MYT1L: variants seen among roughly 807,000 people sequenced by gnomAD.
MYT1L encodes the protein myelin transcription factor 1-like protein.
MYT1L carries 12 observed loss-of-function variants against 126.7 expected under a neutral mutation model. The observed-to-expected ratio is 0.09, with a 90% CI of 0.06 to 0.15. MYT1L has a LOEUF of 0.15. Among genes scored for constraint, MYT1L ranks in the 10% least tolerant of loss-of-function variants. MYT1L has a pLI of 1.00. For synonymous variants in MYT1L, 541 were observed against 604.2 expected (o/e 0.90, Z 1.53); for missense variants, 979 against 1,585.2 (o/e 0.62, Z 6.49).
At chr2:2,264,403 C>CA (rs1379473861) in intron 2 of MYT1L, among the ~76,000 whole-genome samples, 2 of 151,812 alleles carry the variant, frequency 1.3e-5, no homozygotes, top group African/African-American at 2.4e-5. Context: ...ACCCCACCCC[C>CA]AAAAAAAATC....
intron 14 of MYT1L, among the ~76,000 whole-genome samples, chr2:1,893,348 G>A (rs745419366): frequency 1.3e-5 from 2 of 152,206 alleles, no homozygotes; most frequent in Non-Finnish European, 2.9e-5. Context: ...ACTCAGAGGT[G>A]GACCTGGTCT....
At chr2:1,900,334 C>T (rs928108521) in intron 14 of MYT1L, among the ~76,000 whole-genome samples, 1 of 151,566 alleles carries the variant, frequency 6.6e-6, no homozygotes, top group South Asian at 2.1e-4. Flanking sequence ...GAGTCTCGCT[C>T]TGTTGCCCAG....
chr2:1,883,358 A>G (rs1275262652), intron 18 of MYT1L, among the ~76,000 whole-genome samples: 2 of 152,242 alleles, frequency 1.3e-5, no homozygotes, highest in African/African-American at 2.4e-5. Context: ...GCAGAAAAAC[A>G]TAATTCCTGG....
chr2:2,296,680 G>C (rs1338023485), intron 1 of MYT1L, among the ~76,000 whole-genome samples: 1 of 152,162 alleles, frequency 6.6e-6, no homozygotes, highest in Non-Finnish European at 1.5e-5. Flanking sequence ...TGGGGACACA[G>C]AAAGGAGAGA....
intron 14 of MYT1L, among the ~76,000 whole-genome samples, chr2:1,902,144 TAAATAAATAA>T (rs550575320): frequency 1.3e-5 from 2 of 152,224 alleles, no homozygotes; most frequent in African/African-American, 2.4e-5. Context: ...CATGGTTAGA[TAAATAAATAA>T]AATTAAATAA....
chr2:2,319,873 G>A (rs1248716767), intron 1 of MYT1L, among the ~76,000 whole-genome samples: 3 of 151,872 alleles, frequency 2.0e-5, no homozygotes, highest in African/African-American at 2.4e-5. Flanking sequence ...GCACATAGTA[G>A]GTACTCAATA....
intron 2 of MYT1L, among the ~76,000 whole-genome samples, chr2:2,180,849 T>A (rs1043914046): frequency 6.6e-6 from 1 of 151,916 alleles, no homozygotes; most frequent in African/African-American, 2.4e-5. Flanking sequence ...TATCTGTACC[T>A]GTGTATGCCT....
At chr2:2,089,648 CA>C (rs1338257282) in intron 3 of MYT1L, among the ~76,000 whole-genome samples, 1 of 152,180 alleles carries the variant, frequency 6.6e-6, no homozygotes, top group Non-Finnish European at 1.5e-5. Flanking sequence ...TCTCATTATA[CA>C]GATGGACGGA....
chr2:1,861,997 A>ATCTGCCTGCAGCCTGAGTAATCCTAG (rs1558192114), intron 18 of MYT1L, among the ~76,000 whole-genome samples: 25 of 151,442 alleles, frequency 1.7e-4, no homozygotes, highest in Admixed American at 3.3e-4. Flanking sequence ...GTAATCCTGG[A>ATCTGCCTGCAGCCTGAGTAATCCTAG]ATTCGCTGAG....
At chr2:1,842,852 C>T in intron 19 of MYT1L, 1 of 165,734 alleles carries the variant, frequency 6.0e-6, no homozygotes, top group East Asian at 1.9e-4. Flanking sequence ...CCCAAGGCCT[C>T]TCCTCGTCTG....
At chr2:1,973,209 C>G (rs188596769) in intron 8 of MYT1L, among the ~76,000 whole-genome samples, 86 of 152,200 alleles carry the variant, frequency 5.7e-4, no homozygotes, top group South Asian at 1.2e-3. Flanking sequence ...CCAATTCATT[C>G]CAAATGTCTT....
At chr2:2,308,217 C>T (rs2095887488) in intron 1 of MYT1L, among the ~76,000 whole-genome samples, 1 of 151,784 alleles carries the variant, frequency 6.6e-6, no homozygotes, top group African/African-American at 2.4e-5. Context: ...GTACACTCTA[C>T]CTATACTCCA....
intron 4 of MYT1L, among the ~76,000 whole-genome samples, chr2:2,041,164 T>C (rs917044969): frequency 1.3e-5 from 2 of 152,232 alleles, no homozygotes; most frequent in African/African-American, 4.8e-5. Flanking sequence ...TTGAGGTAAC[T>C]TGAACTTTTG....
At chr2:2,135,712 C>G (rs903260222) in intron 3 of MYT1L, among the ~76,000 whole-genome samples, 2 of 152,154 alleles carry the variant, frequency 1.3e-5, no homozygotes, top group Non-Finnish European at 2.9e-5. Context: ...TGGAAAAAGC[C>G]ATAATCATGC....
In MYT1L at chr2:1,926,626, G is replaced by A. The variant is rs369362077; in HGVS notation, c.506-3363C>T. On this transcript the variant is annotated intron_variant, in intron 9 of 24. Transcript: ENST00000647738. ...CATGCAGGCTAGAGTGCAGTGGTGC[G>A]ATCTGAGCTCACTGCAACCTTTGCT... Among the ~76,000 whole-genome samples the A allele has an allele frequency of 1.1e-4, 16 of 152,246 alleles. No individual in the cohort carries two copies. In the East Asian group the frequency reaches 2.7e-3, roughly 26 times the overall value.
chr2:1,892,910 T>C (rs1266876093), intron 14 of MYT1L, among the ~76,000 whole-genome samples: 2 of 152,180 alleles, frequency 1.3e-5, no homozygotes, highest in Admixed American at 1.3e-4. Context: ...CAACATCCTT[T>C]TTTTTCTAGA....
intron 4 of MYT1L, among the ~76,000 whole-genome samples, chr2:2,043,633 C>T (rs1385666999): frequency 6.6e-6 from 1 of 152,122 alleles, no homozygotes; most frequent in South Asian, 2.1e-4. Flanking sequence ...CCAATGGGTC[C>T]ATGTCTTACT....
At chr2:1,869,566 GA>G (rs1476431758) in intron 18 of MYT1L, among the ~76,000 whole-genome samples, 1 of 152,242 alleles carries the variant, frequency 6.6e-6, no homozygotes, top group Non-Finnish European at 1.5e-5. Flanking sequence ...GTTTCGGGGA[GA>G]AGCATTTAGT....
chr2:1,941,103 G>A (rs921975925), intron 9 of MYT1L, among the ~76,000 whole-genome samples: 4 of 152,116 alleles, frequency 2.6e-5, no homozygotes, highest in African/African-American at 7.2e-5. Context: ...TTTCAATAAG[G>A]CTTCTGACTA....
Sources: gnomAD v4.1 joint callset for allele counts (sites outside exome capture counted in the v4.1 genomes callset) on GRCh38, gnomAD v4.1.1 for gene constraint, MANE v1.5 for transcripts, NCBI Gene and HGNC (gene_info 2026-07-23, HGNC 2026-07-21) for gene names.